Variants in ZNF804A observed in about 807,000 individuals in gnomAD.
ZNF804A encodes zinc finger protein 804A.
Under a neutral mutation model 16.5 loss-of-function variants are expected in ZNF804A, and 2 were observed. The ratio of observed to expected loss-of-function variants is 0.12; its 90% CI spans 0.05 to 0.38. ZNF804A has a LOEUF of 0.38. Among genes scored for constraint, ZNF804A ranks in the 10% least tolerant of loss-of-function variants. The pLI, the probability that ZNF804A is intolerant of heterozygous loss-of-function variation, is 0.99. For synonymous variants in ZNF804A, 534 were observed against 489.6 expected (o/e 1.09, Z -1.20); for missense variants, 1,473 against 1,390.7 (o/e 1.06, Z -0.94).
intron 1 of ZNF804A, among the ~76,000 whole-genome samples, chr2:184,616,582 C>G (rs1324601961): frequency 6.6e-6 from 1 of 152,016 alleles, no homozygotes; most frequent in Non-Finnish European, 1.5e-5. Flanking sequence ...GTTTATCAGA[C>G]AGAACGTAAG....
rs761347658 is a variant in ZNF804A at position 184,937,106 on chromosome 2, G to A, written c.1710G>A (p.Gln570=). The A allele has an allele frequency of 2.5e-6, 4 of 1,605,396 alleles. No homozygotes were observed. The highest frequency in any genetic ancestry group is 3.4e-6 in the Non-Finnish European group (4 of 1,177,784). The change falls in exon 4 of 4, where the codon CAG becomes CAA. Residue 570 remains glutamine (Q), a synonymous_variant. Coordinates refer to ENST00000302277, the MANE Select transcript of ZNF804A (RefSeq NM_194250.2). ...KYNFTKSQIK[Q]DTLDEKYNKI... ...ATTTTACTAAAAGTCAAATAAAACA[G>A]GACACTCTAGATGAAAAATACAACA...
intron 2 of ZNF804A, among the ~76,000 whole-genome samples, chr2:184,873,199 A>G (rs558413005): frequency 6.6e-6 from 1 of 152,306 alleles, no homozygotes; most frequent in South Asian, 2.1e-4. Flanking sequence ...TATATAGGTA[A>G]AATTTATAGA....
chr2:184,765,768 A>T lies in ZNF804A; in HGVS notation c.112-100601A>T, dbSNP rs895454886. 3.3e-5 allele frequency among the ~76,000 whole-genome samples: 5 copies of T among 152,126 alleles called. No individual in the cohort carries two copies. In the East Asian group the frequency reaches 9.7e-4, roughly 29 times the overall value. On this transcript the variant is annotated intron_variant, in intron 1 of 3. Transcript: ENST00000302277. ...TTTTGTATACGGCTCGTCCTGCTAC[A>T]GTAAGAGACTGAAACTGAAAGTTAA...
chr2:184,790,291 T>G (rs979424253), intron 1 of ZNF804A, among the ~76,000 whole-genome samples: 18 of 152,024 alleles, frequency 1.2e-4, no homozygotes, highest in Non-Finnish European at 2.5e-4. Context: ...GAATGTTCTT[T>G]GCAAATATGA....
chr2:184,877,015 T>C (rs1391560143), intron 2 of ZNF804A, among the ~76,000 whole-genome samples: 1 of 152,140 alleles, frequency 6.6e-6, no homozygotes, highest in African/African-American at 2.4e-5. Context: ...TTTATATGCA[T>C]TAAAAAAAAC....
intron 1 of ZNF804A, among the ~76,000 whole-genome samples, chr2:184,717,145 T>C (rs1693228114): frequency 6.6e-6 from 1 of 152,148 alleles, no homozygotes; most frequent in East Asian, 1.9e-4. Flanking sequence ...TATTGAAAAA[T>C]GGCAGATGGA....
intron 1 of ZNF804A, among the ~76,000 whole-genome samples, chr2:184,728,348 CTTTGAGCTATGCCATAT>C (rs1301245648): frequency 2.0e-5 from 3 of 151,810 alleles, no homozygotes; most frequent in Non-Finnish European, 4.4e-5. Flanking sequence ...TGATTTCTCA[CTTTGAGCTATGCCATAT>C]TTTGATGTTT....
intron 1 of ZNF804A, among the ~76,000 whole-genome samples, chr2:184,676,707 T>C (rs1216117396): frequency 6.6e-6 from 1 of 151,784 alleles, no homozygotes; most frequent in Non-Finnish European, 1.5e-5. Context: ...CAGTTATATT[T>C]TAATATGACC....
At chr2:184,648,713 A>T (rs1364207878) in intron 1 of ZNF804A, among the ~76,000 whole-genome samples, 1 of 152,142 alleles carries the variant, frequency 6.6e-6, no homozygotes, top group East Asian at 1.9e-4. Context: ...ATGATAAAGG[A>T]TCCAATTTAA....
At chr2:184,769,759 G>C (rs1201862705) in intron 1 of ZNF804A, among the ~76,000 whole-genome samples, 1 of 151,998 alleles carries the variant, frequency 6.6e-6, no homozygotes, top group Non-Finnish European at 1.5e-5. Context: ...AAGGTAAATA[G>C]AAATAAGGGT....
chr2:184,807,383 T>C (rs1363693165), intron 1 of ZNF804A, among the ~76,000 whole-genome samples: 2 of 151,520 alleles, frequency 1.3e-5, no homozygotes, highest in South Asian at 4.1e-4. Flanking sequence ...TGAAAGGGGG[T>C]GAAGGGATAG....
intron 1 of ZNF804A, among the ~76,000 whole-genome samples, chr2:184,666,128 A>G (rs1042495071): frequency 6.6e-6 from 1 of 152,228 alleles, no homozygotes; most frequent in Non-Finnish European, 1.5e-5. Context: ...GGATATTTGT[A>G]CATTTGATAC....
At chr2:184,745,679 A>T (rs1693779950) in intron 1 of ZNF804A, among the ~76,000 whole-genome samples, 1 of 151,554 alleles carries the variant, frequency 6.6e-6, no homozygotes, top group South Asian at 2.1e-4. Context: ...TCCCATTTTT[A>T]GAATATTTTA....
chr2:184,920,921 A>T (rs1255309925), intron 2 of ZNF804A, among the ~76,000 whole-genome samples: 9 of 152,196 alleles, frequency 5.9e-5, no homozygotes, highest in African/African-American at 1.2e-4. Flanking sequence ...TGATTGATGA[A>T]AGGACAGGTA....
chr2:184,617,312 T>G (rs562363435), intron 1 of ZNF804A, among the ~76,000 whole-genome samples: 1 of 152,170 alleles, frequency 6.6e-6, no homozygotes, highest in African/African-American at 2.4e-5. Context: ...TATGTAGAAA[T>G]TAGGTATAAT....
At chr2:184,786,195 T>A (rs868083688) in intron 1 of ZNF804A, among the ~76,000 whole-genome samples, 3 of 152,068 alleles carry the variant, frequency 2.0e-5, no homozygotes, top group African/African-American at 2.4e-5. Context: ...TTCTTACACA[T>A]CCTTTCTAGT....
At chr2:184,837,567 G>A (rs1423112610) in intron 1 of ZNF804A, among the ~76,000 whole-genome samples, 1 of 151,870 alleles carries the variant, frequency 6.6e-6, no homozygotes, top group Non-Finnish European at 1.5e-5. Context: ...TTGCAGCAGT[G>A]ATTTTTTCCT....
Position 184,691,681 on chromosome 2 carries a change from G to A in ZNF804A, c.111+92611G>A, listed in dbSNP as rs138865126. On this transcript the variant is annotated intron_variant, in intron 1 of 3. Coordinates refer to ENST00000302277, the MANE Select transcript of ZNF804A (RefSeq NM_194250.2). The stretch of plus-strand genomic sequence containing the variant: ...AACCTGATGATGCAATTTAGAATTA[G>A]CATTTATTCATATCTTTTAATATAG... Among the ~76,000 whole-genome samples, 698 of 151,730 alleles carry A rather than the reference G, an allele frequency of 4.6e-3. 12 individuals are homozygous for A. The highest frequency in any genetic ancestry group is 0.015 in the African/African-American group (639 of 41,486).
chr2:184,635,735 C>T (rs1574140802), intron 1 of ZNF804A, among the ~76,000 whole-genome samples: 1 of 151,990 alleles, frequency 6.6e-6, no homozygotes, highest in South Asian at 2.1e-4. Context: ...TCTCACACAT[C>T]GTGATTAGGG....
Sources: allele counts gnomAD v4.1 joint callset (sites outside exome capture counted in the v4.1 genomes callset), GRCh38; gene constraint gnomAD v4.1.1; transcripts MANE v1.5; gene names NCBI Gene and HGNC (gene_info 2026-07-23, HGNC 2026-07-21).